TAF4: variants seen among roughly 807,000 people sequenced by gnomAD.
TAF4 encodes transcription initiation factor TFIID subunit 4.
A neutral mutation model predicts 90.3 loss-of-function variants in TAF4; 9 were observed. That is an observed-to-expected ratio of 0.10 (90% CI 0.06 to 0.17). TAF4 has a LOEUF of 0.17. Among genes scored for constraint, TAF4 ranks in the 10% least tolerant of loss-of-function variants. TAF4 has a pLI of 1.00. For synonymous variants in TAF4, 818 were observed against 638.9 expected (o/e 1.28, Z -4.23); for missense variants, 1,351 against 1,370.7 (o/e 0.99, Z 0.23).
At chr20:62,048,883 T>C (rs562464798) in intron 1 of TAF4, among the ~76,000 whole-genome samples, 2 of 103,056 alleles carry the variant, frequency 1.9e-5, no homozygotes, top group East Asian at 3.2e-4. Context: ...CCGGGCTCCA[T>C]TCCCCCCAGC....
At chr20:61,998,700 C>T (rs375841062) in intron 12 of TAF4, among the ~76,000 whole-genome samples, 10 of 152,312 alleles carry the variant, frequency 6.6e-5, no homozygotes, top group East Asian at 1.9e-4. Context: ...TCCAGTCCAG[C>T]GCACACAGGG....
chr20:62,056,126 G>C (rs2056062326), intron 1 of TAF4, among the ~76,000 whole-genome samples: 1 of 152,102 alleles, frequency 6.6e-6, no homozygotes, highest in Non-Finnish European at 1.5e-5. Context: ...ATTCCCAGCT[G>C]CTCGGGAGGC....
intron 7 of TAF4, chr20:62,005,844 T>C (rs2055741483): frequency 6.6e-6 from 1 of 152,234 alleles, no homozygotes; most frequent in Non-Finnish European, 1.5e-5. Context: ...ATTTTGTTGT[T>C]TAAGCTGTCT....
chr20:62,063,802 C>T (rs997048060), intron 1 of TAF4, among the ~76,000 whole-genome samples: 1 of 152,250 alleles, frequency 6.6e-6, no homozygotes, highest in Non-Finnish European at 1.5e-5. Flanking sequence ...AGCAAGGCTG[C>T]GCGCCGGGAG....
intron 1 of TAF4, among the ~76,000 whole-genome samples, chr20:62,025,490 G>A (rs2055869582): frequency 6.6e-6 from 1 of 152,204 alleles, no homozygotes; most frequent in South Asian, 2.1e-4. Flanking sequence ...CCCACGTGTG[G>A]AGGGAGGGAA....
intron 14 of TAF4, among the ~76,000 whole-genome samples, chr20:61,988,832 A>G (rs1231893262): frequency 6.6e-6 from 1 of 151,576 alleles, no homozygotes; most frequent in Non-Finnish European, 1.5e-5. Flanking sequence ...CCAGCCCCAC[A>G]CCCCGGCCCT....
intron 14 of TAF4, among the ~76,000 whole-genome samples, chr20:61,977,933 C>G (rs1265760008): frequency 6.6e-6 from 1 of 152,192 alleles, no homozygotes; most frequent in Admixed American, 6.5e-5. Context: ...AAAAAGAGGA[C>G]CGGGGTGAAG....
At chr20:62,048,593 C>T (rs539982530) in intron 1 of TAF4, among the ~76,000 whole-genome samples, 2 of 152,192 alleles carry the variant, frequency 1.3e-5, no homozygotes, top group African/African-American at 4.8e-5. Flanking sequence ...CGTCTCCCCA[C>T]GTGCCCACCT....
At chr20:62,016,036 G>A (rs189007664) in intron 1 of TAF4, among the ~76,000 whole-genome samples, 4 of 152,144 alleles carry the variant, frequency 2.6e-5, no homozygotes, top group African/African-American at 7.2e-5. Context: ...CCTGGAGCTC[G>A]GGAACGAAGT....
intron 7 of TAF4, chr20:62,005,268 T>G (rs1008211470): frequency 6.6e-6 from 1 of 152,258 alleles, no homozygotes; most frequent in African/African-American, 2.4e-5. Context: ...TCCACAGGCT[T>G]CAGGGTGCAG....
intron 1 of TAF4, among the ~76,000 whole-genome samples, chr20:62,060,345 G>C (rs1050816643): frequency 1.3e-5 from 2 of 152,262 alleles, no homozygotes; most frequent in African/African-American, 4.8e-5. Context: ...ATAGACCTCT[G>C]CTGTGAATGC....
intron 1 of TAF4, among the ~76,000 whole-genome samples, chr20:62,034,823 AT>A (rs2055923285): frequency 7.5e-6 from 1 of 133,410 alleles, no homozygotes; most frequent in African/African-American, 2.8e-5. Flanking sequence ...TATCTCATAG[AT>A]TTCTTTTTTT....
At chr20:61,979,002 G>C (rs1427800959) in intron 14 of TAF4, 2 of 153,328 alleles carry the variant, frequency 1.3e-5, no homozygotes, top group Non-Finnish European at 2.9e-5. Flanking sequence ...CTTCGCCCCA[G>C]GCAGGAGGGG....
chr20:62,014,063 T>TCC (rs1192527698), intron 2 of TAF4, among the ~76,000 whole-genome samples: 4 of 151,446 alleles, frequency 2.6e-5, no homozygotes, highest in Admixed American at 6.6e-5. Context: ...TGTGTGTGTG[T>TCC]GTCCCTCTGG....
intron 1 of TAF4, among the ~76,000 whole-genome samples, chr20:62,045,062 A>G (rs900615450): frequency 2.0e-5 from 3 of 152,246 alleles, no homozygotes; most frequent in African/African-American, 7.2e-5. Context: ...TAGTGACTAC[A>G]AGGAAAAGAA....
chr20:61,989,294 C>A (rs2055616010), intron 14 of TAF4, among the ~76,000 whole-genome samples: 1 of 76,418 alleles, frequency 1.3e-5, no homozygotes, highest in Non-Finnish European at 2.7e-5. Context: ...CCAGACTCTA[C>A]TAGAGGAACC....
chr20:62,040,022 T>C (rs1013337844), intron 1 of TAF4, among the ~76,000 whole-genome samples: 14 of 152,244 alleles, frequency 9.2e-5, no homozygotes, highest in Non-Finnish European at 1.9e-4. Flanking sequence ...TCAACCTTTA[T>C]GCGCTGCTGG....
chr20:62,063,947 G>C (rs1001555729), intron 1 of TAF4, among the ~76,000 whole-genome samples: 1 of 152,206 alleles, frequency 6.6e-6, no homozygotes, highest in Admixed American at 6.5e-5. Context: ...GAAGAGGCTC[G>C]AGCCCAGGGT....
At chr20:62,008,841 G>A (rs28382069) in intron 5 of TAF4, 149 of 515,370 alleles carry the variant, frequency 2.9e-4, no homozygotes, top group African/African-American at 2.3e-3. Context: ...TCCAGGCGCC[G>A]GCCCCAGAAC....
Sources: gnomAD v4.1 joint callset for allele counts (sites outside exome capture counted in the v4.1 genomes callset) on GRCh38, gnomAD v4.1.1 for gene constraint, MANE v1.5 for transcripts, NCBI Gene and HGNC (gene_info 2026-07-23, HGNC 2026-07-21) for gene names.